Variants in MPHOSPH9 observed in about 807,000 individuals in gnomAD.
MPHOSPH9 encodes the protein M-phase phosphoprotein 9.
A neutral mutation model predicts 145.5 loss-of-function variants in MPHOSPH9; 88 were observed. The ratio of observed to expected loss-of-function variants is 0.60; its 90% CI spans 0.51 to 0.72. The LOEUF (loss-of-function observed/expected upper bound fraction) is 0.72. Among genes scored for constraint, MPHOSPH9 ranks in the 30% least tolerant of loss-of-function variants. The probability of loss-of-function intolerance (pLI) is 0.00; values close to 1 mark genes in which losing one functional copy is unlikely to be tolerated. For synonymous variants in MPHOSPH9, 435 were observed against 486.2 expected (o/e 0.89, Z 1.39); for missense variants, 1,238 against 1,386.6 (o/e 0.89, Z 1.70).
At chr12:123,169,385 G>A (rs2044475802) in intron 16 of MPHOSPH9, among the ~76,000 whole-genome samples, 1 of 151,388 alleles carries the variant, frequency 6.6e-6, no homozygotes, top group South Asian at 2.1e-4. Flanking sequence ...TGTAGTCCCA[G>A]CTACTCAGGA....
intron 3 of MPHOSPH9, among the ~76,000 whole-genome samples, chr12:123,224,706 G>A (rs922504931): frequency 1.3e-5 from 2 of 152,186 alleles, no homozygotes; most frequent in Non-Finnish European, 2.9e-5. Flanking sequence ...AGTCCCCCAT[G>A]ATGAAGAATT....
chr12:123,154,023 T>G (rs901025490), downstream of MPHOSPH9, among the ~76,000 whole-genome samples: 2 of 152,136 alleles, frequency 1.3e-5, no homozygotes, highest in African/African-American at 4.8e-5. Context: ...GCACGGCCAC[T>G]TTAGCTACAT....
In MPHOSPH9 at chr12:123,163,991, G is replaced by T; in HGVS notation, c.2867C>A (p.Ser956Ter). The T allele has an allele frequency of 6.2e-7, 1 of 1,614,144 alleles. No homozygotes were observed. The highest frequency in any genetic ancestry group is 8.5e-7 in the Non-Finnish European group (1 of 1,180,014). ...QKRLNSASQR[S>*]SSLPPSNRKS... ...ACGATTTGAAGGTGGTAAAGATGATGATCTCTGTGAGGCCGAATTAAGTCT... is the reference window on the plus strand; with the variant it reads ...ACGATTTGAAGGTGGTAAAGATGATTATCTCTGTGAGGCCGAATTAAGTCT... Residue 956 changes from serine (S) to a stop codon, truncating the protein, a stop_gained, in exon 19 of 24, where the codon TCA becomes TAA. Transcript: ENST00000606320. LOFTEE classifies it high-confidence loss of function.
At position 123,174,355 on chromosome 12, in the gene MPHOSPH9, T is replaced by C. The variant is rs1458687734; in HGVS notation, c.2456+2333A>G. 2.0e-5 allele frequency among the ~76,000 whole-genome samples: 3 copies of C among 149,494 alleles called. No homozygotes were observed. The East Asian group carries it at 6.0e-4, about 30-fold the overall frequency. On this transcript the variant is annotated intron_variant, in intron 16 of 23. Transcript: ENST00000606320. ...ATCCATTCTACAACTTTACGCACCA[T>C]CTAGAAAGAGACGACTCCAATTTTT... is the stretch of plus-strand genomic sequence containing the variant.
intron 12 of MPHOSPH9, among the ~76,000 whole-genome samples, chr12:123,197,200 TGA>T (rs2045996725): frequency 1.3e-5 from 2 of 151,860 alleles, no homozygotes; most frequent in Non-Finnish European, 1.5e-5. Context: ...AATTTTTTTT[TGA>T]GACAGGGTCA....
chr12:123,228,436 T>C (rs2047511210), intron 2 of MPHOSPH9, among the ~76,000 whole-genome samples: 1 of 152,206 alleles, frequency 6.6e-6, no homozygotes, highest in Non-Finnish European at 1.5e-5. Context: ...ACGCCTGTAA[T>C]CCCAGCACTT....
intron 8 of MPHOSPH9, among the ~76,000 whole-genome samples, chr12:123,205,941 C>T (rs2046408302): frequency 1.3e-5 from 2 of 152,116 alleles, no homozygotes; most frequent in African/African-American, 4.8e-5. Context: ...CAATGAAGCT[C>T]CTGAGGACCA....
At chr12:123,204,128 C>A (rs564520186) in intron 8 of MPHOSPH9, among the ~76,000 whole-genome samples, 2 of 152,124 alleles carry the variant, frequency 1.3e-5, no homozygotes, top group Admixed American at 1.3e-4. Flanking sequence ...CATGGAGAAA[C>A]CCTGTCTCTA....
intron 11 of MPHOSPH9, among the ~76,000 whole-genome samples, chr12:123,200,639 A>G (rs993818258): frequency 6.7e-5 from 10 of 149,446 alleles, no homozygotes; most frequent in Non-Finnish European, 8.9e-5. Context: ...AAGTAACTAC[A>G]GTCATCTTTG....
intron 8 of MPHOSPH9, among the ~76,000 whole-genome samples, chr12:123,207,392 G>A (rs1394284655): frequency 4.0e-5 from 6 of 151,836 alleles, no homozygotes; most frequent in Non-Finnish European, 8.8e-5. Context: ...GTGTCTTTTT[G>A]TTCCTTTCAT....
Position 123,218,509 on chromosome 12 carries a change from A to G in MPHOSPH9, c.873-10T>C, listed in dbSNP as rs765157277. 1.9e-6 allele frequency: 3 copies of G among 1,608,372 alleles called. No homozygotes were observed. The highest frequency in any genetic ancestry group is 2.7e-5 in the African/African-American group (2 of 74,598). ...TGATGTTATAGCATTACTATTTAAG[A>G]AGAGAAAACCAAAATTACTTTTTTT... On this transcript the variant is annotated splice_polypyrimidine_tract_variant and intron_variant, in intron 5 of 23. Transcript: ENST00000606320.
rs2044095579 is a variant in MPHOSPH9 at position 123,161,301 on chromosome 12, T to C, written c.3216A>G (p.Lys1072=). ...CPEPVPNGVK[K]VSVRTAWEKN... The stretch of plus-strand genomic sequence containing the variant: ...TCTCCCAGGCTGTTCTCACAGATAC[T>C]TTCTTCACTCCATTTGGCACCGGTT... Residue 1072 remains lysine (K), a synonymous_variant, in exon 22 of 24, where the codon AAA becomes AAG. Coordinates refer to ENST00000606320, the MANE Select transcript of MPHOSPH9 (RefSeq NM_022782.4). 1 of 1,614,036 alleles carries C rather than the reference T, an allele frequency of 6.2e-7. No individual in the cohort carries two copies.
In MPHOSPH9 at chr12:123,203,011, G is replaced by T. The variant is rs372493257; in HGVS notation, c.1394C>A (p.Pro465Gln). The stretch of plus-strand genomic sequence containing the variant: ...GGATATTCTGTCATCAAGGGCATTC[G>T]GAAGGCCGTGAGGTTGAATCCCTGA... ...QISGIQPHGL[P>Q]NALDDRISFS... is the part of the protein sequence containing the mutation. The change falls in exon 10 of 24, where the codon CCG becomes CAG. Residue 465 changes from proline (P) to glutamine (Q), a missense_variant. By Grantham distance (76) the Pro-to-Gln change is moderately conservative. This residue lies in a region of MPHOSPH9 where 837 missense variants were observed against 897.5 expected (regional missense o/e 0.93). Coordinates refer to ENST00000606320, the MANE Select transcript of MPHOSPH9 (RefSeq NM_022782.4). 1 of 1,614,190 alleles carries T rather than the reference G, an allele frequency of 6.2e-7. No individual in the cohort carries two copies. The highest frequency in any genetic ancestry group is 1.1e-5 in the South Asian group (1 of 91,088).
intron 3 of MPHOSPH9, among the ~76,000 whole-genome samples, chr12:123,223,878 T>C (rs978213583): frequency 6.6e-6 from 1 of 152,104 alleles, no homozygotes; most frequent in African/African-American, 2.4e-5. Flanking sequence ...TCCTACTTTA[T>C]AAAATGGGAA....
rs1226549379 is a variant in MPHOSPH9 at position 123,155,027 on chromosome 12, CACAT to C, written c.*1776_*1779del. 2.0e-5 allele frequency: 3 copies of C among 149,844 alleles called. No individual in the cohort carries two copies. Among genetic ancestry groups the C allele is most frequent in the Non-Finnish European group, 4.4e-5 (3 of 67,650 alleles). 9.3% of individuals were successfully genotyped at this position (149,844 alleles called of 1,614,324 possible). On this transcript the variant is annotated 3_prime_UTR_variant, in exon 24 of 24. Transcript: ENST00000606320. Reference sequence around the variant, plus strand: ...AAAAAGATATATACATACACACACACACATAGACATATACACACACACAAAATTA... The same window carrying C: ...AAAAAGATATATACATACACACACACAGACATATACACACACACAAAATTA...
At chr12:123,220,435 A>G (rs1310262875) in intron 5 of MPHOSPH9, among the ~76,000 whole-genome samples, 1 of 151,510 alleles carries the variant, frequency 6.6e-6, no homozygotes, top group Non-Finnish European at 1.5e-5. Flanking sequence ...GTGGTGGCCC[A>G]CACCTGTAGT....
At position 123,230,629 on chromosome 12, in the gene MPHOSPH9, T is replaced by TA. The variant is rs2047602259; in HGVS notation, c.-158-108dup. Reference sequence around the variant, plus strand: ...TAACTGCTTTCATACAGATCTCCATTAAGGATAGCAACAGTATTCATAATA... The same window carrying TA: ...TAACTGCTTTCATACAGATCTCCATTAAAGGATAGCAACAGTATTCATAATA... On this transcript the variant is annotated intron_variant, in intron 1 of 23. Coordinates refer to ENST00000606320, the MANE Select transcript of MPHOSPH9 (RefSeq NM_022782.4). 2.3e-5 allele frequency: 7 copies of TA among 298,476 alleles called. No individual in the cohort carries two copies. The Middle Eastern group carries it at 4.0e-3, about 170-fold the overall frequency. The allele number at this position is 298,476 out of a possible 1,614,324, so 18.5% of individuals were successfully genotyped here.
chr12:123,194,256 GAGACTCTGTCTCAAAATAAA>G, intron 13 of MPHOSPH9, 110 bp downstream of exon 13: 2 of 657,462 alleles, frequency 3.0e-6, no homozygotes, highest in Non-Finnish European at 4.9e-6. Flanking sequence ...GTGTCAGAGT[GAGACTCTGTCTCAAAATAAA>G]TCAATAAATA....
chr12:123,164,202 A>G, intron 18 of MPHOSPH9, 112 bp from the exon 19 acceptor site: 1 of 1,233,190 alleles, frequency 8.1e-7, no homozygotes, highest in Non-Finnish European at 1.2e-6. Context: ...CAAGCCCCAC[A>G]GCTTAGGTTC....
Sources: allele counts gnomAD v4.1 joint callset (sites outside exome capture counted in the v4.1 genomes callset), GRCh38; gene constraint gnomAD v4.1.1; regional missense constraint gnomAD v4.1.1; transcripts MANE v1.5; gene names NCBI Gene and HGNC (gene_info 2026-07-23, HGNC 2026-07-21).